The following PRKD1 variants were observed in gnomAD, a reference collection of about 807,000 sequenced individuals.
PRKD1 encodes the protein protein kinase D1, also known as serine/threonine-protein kinase D1.
A neutral mutation model predicts 95.9 loss-of-function variants in PRKD1; 63 were observed. The observed-to-expected ratio is 0.66, with a 90% CI of 0.54 to 0.81. PRKD1 has a LOEUF of 0.81. PRKD1 is among the 30% of genes least tolerant of loss of function. The pLI, the probability that PRKD1 is intolerant of heterozygous loss-of-function variation, is 0.00. For missense variants in PRKD1, 1,048 were observed against 1,165.3 expected (o/e 0.90, Z 1.47); for synonymous variants, 425 against 423.1 (o/e 1.00, Z -0.05).
At chr14:29,789,359 A>T (rs1889428932) in intron 1 of PRKD1, among the ~76,000 whole-genome samples, 1 of 152,090 alleles carries the variant, frequency 6.6e-6, no homozygotes, top group South Asian at 2.1e-4. Flanking sequence ...CTAATGTAAC[A>T]TTCACTTCTT....
At chr14:29,838,165 T>C (rs936924354) in intron 1 of PRKD1, among the ~76,000 whole-genome samples, 1 of 152,190 alleles carries the variant, frequency 6.6e-6, no homozygotes, top group African/African-American at 2.4e-5. Flanking sequence ...TAGATAGGTT[T>C]TAGGGGGATG....
At chr14:29,721,954 G>T (rs1409185013) in intron 2 of PRKD1, among the ~76,000 whole-genome samples, 1 of 151,996 alleles carries the variant, frequency 6.6e-6, no homozygotes, top group African/African-American at 2.4e-5. Flanking sequence ...GCCAGAAGCA[G>T]CTTGGTTAGT....
At chr14:29,843,178 TAAG>T (rs1265899395) in intron 1 of PRKD1, among the ~76,000 whole-genome samples, 1 of 152,038 alleles carries the variant, frequency 6.6e-6, no homozygotes, top group Non-Finnish European at 1.5e-5. Flanking sequence ...GTCTTTATAA[TAAG>T]AAGATGTTAT....
intron 2 of PRKD1, among the ~76,000 whole-genome samples, chr14:29,671,032 G>T (rs1408869667): frequency 6.6e-6 from 1 of 152,028 alleles, no homozygotes; most frequent in African/African-American, 2.4e-5. Flanking sequence ...GGGAATTTGG[G>T]AGGCTGTGAA....
chr14:29,898,791 T>C (rs770113447), intron 1 of PRKD1, among the ~76,000 whole-genome samples: 1 of 152,142 alleles, frequency 6.6e-6, no homozygotes, highest in African/African-American at 2.4e-5. Context: ...TGCCTGAGCC[T>C]TCCTTTGATT....
chr14:29,893,932 A>T (rs186734629), intron 1 of PRKD1, among the ~76,000 whole-genome samples: 333 of 152,328 alleles, frequency 2.2e-3, no homozygotes, highest in Non-Finnish European at 4.1e-3. Context: ...TGAGACTTAG[A>T]TTTAAAAGAA....
At chr14:29,867,164 C>A (rs1257739338) in intron 1 of PRKD1, among the ~76,000 whole-genome samples, 1 of 152,140 alleles carries the variant, frequency 6.6e-6, no homozygotes, top group Non-Finnish European at 1.5e-5. Flanking sequence ...TCTATAAATT[C>A]CTTCCCAACA....
intron 2 of PRKD1, among the ~76,000 whole-genome samples, chr14:29,668,132 C>T (rs1395161506): frequency 2.0e-5 from 3 of 152,052 alleles, no homozygotes; most frequent in African/African-American, 7.2e-5. Context: ...AGCACAACAT[C>T]CATTCATTAT....
chr14:29,913,165 A>C (rs1894778473), intron 1 of PRKD1, among the ~76,000 whole-genome samples: 1 of 152,202 alleles, frequency 6.6e-6, no homozygotes, highest in Admixed American at 6.5e-5. Context: ...TTCTAACCTA[A>C]GTAGGGTGTT....
intron 1 of PRKD1, among the ~76,000 whole-genome samples, chr14:29,918,183 A>G (rs1204112710): frequency 6.6e-6 from 1 of 152,166 alleles, no homozygotes; most frequent in Non-Finnish European, 1.5e-5. Context: ...ATCACTGCAC[A>G]ATGTATACAT....
At chr14:29,920,763 A>G (rs1449707044) in intron 1 of PRKD1, among the ~76,000 whole-genome samples, 1 of 152,206 alleles carries the variant, frequency 6.6e-6, no homozygotes, top group African/African-American at 2.4e-5. Flanking sequence ...ATATCTAAAA[A>G]AGACTTGTGA....
Position 29,585,136 on chromosome 14 carries a change from C to T in PRKD1, c.2435-6776G>A, listed in dbSNP as rs113722183. On this transcript the variant is annotated intron_variant, in intron 16 of 17. Transcript: ENST00000331968. ...TTAGTACTTCTCTCCCTTTGGCTTG[C>T]TTCATGCTGATGGGAAGTTGTGTGT... 1.3e-5 allele frequency among the ~76,000 whole-genome samples: 2 copies of T among 152,168 alleles called. 1 individual carries two copies. Among genetic ancestry groups the T allele is most frequent in the African/African-American group, 4.8e-5 (2 of 41,500 alleles).
intron 13 of PRKD1, among the ~76,000 whole-genome samples, chr14:29,613,177 A>G (rs1878600286): frequency 6.6e-6 from 1 of 152,222 alleles, no homozygotes. Flanking sequence ...TGAAACAACA[A>G]AAATATAAGC....
At chr14:29,656,464 AT>A in intron 4 of PRKD1, 1 of 1,532,990 alleles carries the variant, frequency 6.5e-7, no homozygotes, top group Non-Finnish European at 8.7e-7. Flanking sequence ...ACCAGGTAGC[AT>A]TAGTACCTAC....
chr14:29,730,010 CA>C (rs975083546), intron 1 of PRKD1, among the ~76,000 whole-genome samples: 116 of 150,986 alleles, frequency 7.7e-4, no homozygotes, highest in Admixed American at 2.0e-3. Context: ...AAAGCACAAA[CA>C]AAAAAAAGCA....
intron 1 of PRKD1, among the ~76,000 whole-genome samples, chr14:29,809,528 A>C (rs1890391362): frequency 6.6e-6 from 1 of 152,238 alleles, no homozygotes; most frequent in African/African-American, 2.4e-5. Context: ...TGATGCTTCT[A>C]CATCAGCACT....
chr14:29,652,618 C>T (rs1450196755), intron 4 of PRKD1, among the ~76,000 whole-genome samples: 2 of 152,180 alleles, frequency 1.3e-5, no homozygotes, highest in Admixed American at 6.5e-5. Flanking sequence ...ACTGAAAGTA[C>T]ACACTGCCCA....
intron 7 of PRKD1, 40 bp from the exon 8 acceptor site, chr14:29,634,581 G>T (rs753465799): frequency 4.3e-6 from 7 of 1,611,614 alleles, no homozygotes; most frequent in Non-Finnish European, 2.5e-6. Flanking sequence ...AATGTTTTCA[G>T]GTACATTTTA....
intron 1 of PRKD1, among the ~76,000 whole-genome samples, chr14:29,833,305 T>C (rs1167768824): frequency 3.9e-5 from 6 of 152,110 alleles, no homozygotes; most frequent in Admixed American, 3.3e-4. Flanking sequence ...GGTAAATCAA[T>C]TTTATTTTCT....
Sources: gnomAD v4.1 joint callset for allele counts (sites outside exome capture counted in the v4.1 genomes callset) on GRCh38, gnomAD v4.1.1 for gene constraint, MANE v1.5 for transcripts, NCBI Gene and HGNC (gene_info 2026-07-23, HGNC 2026-07-21) for gene names.